The following EDIL3 variants were observed in gnomAD, a reference collection of about 807,000 sequenced individuals.
EDIL3 encodes the protein EGF-like repeat and discoidin I-like domain-containing protein 3.
Under a neutral mutation model 67.4 loss-of-function variants are expected in EDIL3, and 37 were observed. That is an observed-to-expected ratio of 0.55 (90% CI 0.42 to 0.72). EDIL3 has a LOEUF of 0.72. Among genes scored for constraint, EDIL3 ranks in the 30% least tolerant of loss-of-function variants. EDIL3 has a pLI of 0.00. For synonymous variants in EDIL3, 195 were observed against 196.3 expected, an observed-to-expected ratio of 0.99 and a Z score of 0.05; for missense variants, 527 against 586.3, an observed-to-expected ratio of 0.90 and a Z score of 1.04.
intron 1 of EDIL3, among the ~76,000 whole-genome samples, chr5:84,322,746 G>A (rs1746674819): frequency 6.6e-6 from 1 of 151,958 alleles, no homozygotes; most frequent in Non-Finnish European, 1.5e-5. Context: ...TGAATTCAAA[G>A]AGAACAATTT....
chr5:84,197,667 A>AAAGC (rs1049338785), intron 3 of EDIL3, among the ~76,000 whole-genome samples: 1 of 151,728 alleles, frequency 6.6e-6, no homozygotes, highest in Non-Finnish European at 1.5e-5. Context: ...CAAAAAAAAA[A>AAAGC]AAGCAAACAA....
At chr5:84,007,764 C>A (rs1398580944) in intron 9 of EDIL3, among the ~76,000 whole-genome samples, 2 of 152,062 alleles carry the variant, frequency 1.3e-5, no homozygotes, top group Non-Finnish European at 2.9e-5. Context: ...ATCCAGCAAT[C>A]CTACTGCTTT....
At chr5:84,136,624 C>T (rs371289619) in intron 5 of EDIL3, among the ~76,000 whole-genome samples, 2 of 152,122 alleles carry the variant, frequency 1.3e-5, no homozygotes, top group Non-Finnish European at 2.9e-5. Context: ...TTCTTGCTAG[C>T]GTGTGGGACG....
intron 4 of EDIL3, among the ~76,000 whole-genome samples, chr5:84,178,035 T>C (rs529391266): frequency 6.6e-6 from 1 of 152,332 alleles, no homozygotes; most frequent in South Asian, 2.1e-4. Flanking sequence ...GTTCACGCCA[T>C]ATTTGTACAA....
At chr5:84,256,578 T>C (rs1298375649) in intron 1 of EDIL3, among the ~76,000 whole-genome samples, 1 of 152,058 alleles carries the variant, frequency 6.6e-6, no homozygotes. Context: ...GTATTAGAAA[T>C]AGAAAATGAT....
At chr5:84,025,576 C>T (rs1745796470) in intron 9 of EDIL3, among the ~76,000 whole-genome samples, 1 of 152,028 alleles carries the variant, frequency 6.6e-6, no homozygotes, top group Non-Finnish European at 1.5e-5. Flanking sequence ...AAACTATTCC[C>T]AACCCAGTCT....
chr5:84,292,258 C>A (rs145087974), intron 1 of EDIL3, among the ~76,000 whole-genome samples: 91 of 152,090 alleles, frequency 6.0e-4, no homozygotes, highest in East Asian at 1.9e-3. Context: ...TGCTTACTAA[C>A]AATAATTGGA....
chr5:84,085,080 T>C (rs901609710), intron 6 of EDIL3, among the ~76,000 whole-genome samples: 1 of 152,342 alleles, frequency 6.6e-6, no homozygotes, highest in Non-Finnish European at 1.5e-5. Flanking sequence ...TTATAATTTG[T>C]AACTGTAAAT....
chr5:84,117,531 G>A (rs1315168349), intron 5 of EDIL3, among the ~76,000 whole-genome samples: 3 of 151,496 alleles, frequency 2.0e-5, no homozygotes, highest in Admixed American at 1.3e-4. Flanking sequence ...TATTGCTATA[G>A]AGTTTGGCCT....
chr5:83,994,179 C>T (rs1298973911), intron 9 of EDIL3, among the ~76,000 whole-genome samples: 1 of 152,142 alleles, frequency 6.6e-6, no homozygotes, highest in African/African-American at 2.4e-5. Context: ...AAGATCCTCC[C>T]ATAAAGCTAG....
At chr5:84,025,212 G>A (rs2112196473) in intron 9 of EDIL3, among the ~76,000 whole-genome samples, 1 of 152,176 alleles carries the variant, frequency 6.6e-6, no homozygotes, top group African/African-American at 2.4e-5. Context: ...TCTAGTCCAG[G>A]GGTCCCCAAC....
chr5:84,154,581 T>A (rs1029256666), intron 4 of EDIL3, among the ~76,000 whole-genome samples: 2 of 151,898 alleles, frequency 1.3e-5, no homozygotes, highest in Non-Finnish European at 2.9e-5. Flanking sequence ...ATATTTAATT[T>A]TTTTTTTTGC....
At chr5:84,052,586 T>G (rs1051586007) in intron 9 of EDIL3, among the ~76,000 whole-genome samples, 7 of 151,998 alleles carry the variant, frequency 4.6e-5, no homozygotes, top group Non-Finnish European at 8.8e-5. Context: ...GAGACACACA[T>G]AGGCTCAAAA....
chr5:84,313,587 A>G (rs764119842), intron 1 of EDIL3, among the ~76,000 whole-genome samples: 17 of 152,326 alleles, frequency 1.1e-4, no homozygotes, highest in Middle Eastern at 3.4e-3. Context: ...ATATCTACCT[A>G]GAAGACTATT....
intron 9 of EDIL3, among the ~76,000 whole-genome samples, chr5:84,021,041 A>T (rs1745705776): frequency 6.6e-6 from 1 of 152,072 alleles, no homozygotes; most frequent in African/African-American, 2.4e-5. Context: ...TGTCCAATCG[A>T]AAAGAAATAC....
At chr5:84,224,006 C>T (rs1166734802) in intron 3 of EDIL3, among the ~76,000 whole-genome samples, 2 of 151,166 alleles carry the variant, frequency 1.3e-5, no homozygotes, top group Non-Finnish European at 3.0e-5. Flanking sequence ...GAAATCCAAA[C>T]TCAGTTCCAC....
intron 1 of EDIL3, among the ~76,000 whole-genome samples, chr5:84,272,819 C>A (rs1387813123): frequency 6.6e-6 from 1 of 152,064 alleles, no homozygotes; most frequent in Admixed American, 6.6e-5. Flanking sequence ...TCCTAATTAT[C>A]TTTGCAAATA....
chr5:84,293,975 A>G (rs1561248258), intron 1 of EDIL3, among the ~76,000 whole-genome samples: 2 of 151,972 alleles, frequency 1.3e-5, no homozygotes, highest in South Asian at 4.1e-4. Context: ...CCCATTTGCA[A>G]ATGTTTATAT....
intron 1 of EDIL3, among the ~76,000 whole-genome samples, chr5:84,299,738 C>T (rs1160034728): frequency 6.6e-6 from 1 of 151,988 alleles, no homozygotes; most frequent in African/African-American, 2.4e-5. Flanking sequence ...ACTTAATGAC[C>T]TTTGTATGTA....
Sources: allele counts gnomAD v4.1 joint callset (sites outside exome capture counted in the v4.1 genomes callset), GRCh38; gene constraint gnomAD v4.1.1; transcripts MANE v1.5; gene names NCBI Gene and HGNC (gene_info 2026-07-23, HGNC 2026-07-21).